Variants in EDIL3 observed in about 807,000 individuals in gnomAD.
The protein encoded by EDIL3 is EGF-like repeat and discoidin I-like domain-containing protein 3.
EDIL3 carries 37 observed loss-of-function variants against 67.4 expected under a neutral mutation model. The observed-to-expected ratio is 0.55, with a 90% CI of 0.42 to 0.72. The LOEUF is 0.72. EDIL3 is among the 30% of genes least tolerant of loss of function. The pLI is 0.00. For synonymous variants in EDIL3, 195 were observed against 196.3 expected, an observed-to-expected ratio of 0.99 and a Z score of 0.05; for missense variants, 527 against 586.3, an observed-to-expected ratio of 0.90 and a Z score of 1.04.
chr5:84,164,079 G>A (rs976962548), intron 4 of EDIL3, among the ~76,000 whole-genome samples: 1 of 152,048 alleles, frequency 6.6e-6, no homozygotes, highest in Admixed American at 6.6e-5. Flanking sequence ...CATATATGCA[G>A]ATACAACTGA....
At chr5:83,994,564 A>C (rs1745205562) in intron 9 of EDIL3, among the ~76,000 whole-genome samples, 1 of 152,190 alleles carries the variant, frequency 6.6e-6, no homozygotes, top group Non-Finnish European at 1.5e-5. Flanking sequence ...GAACAAGAGA[A>C]AGATCTGAAT....
intron 4 of EDIL3, among the ~76,000 whole-genome samples, chr5:84,141,963 CT>C (rs1451653784): frequency 4.4e-5 from 6 of 136,586 alleles, no homozygotes; most frequent in African/African-American, 1.7e-4. Flanking sequence ...ATCTATCTAT[CT>C]ATCTATCTAT....
At chr5:84,090,079 G>A (rs1014389138) in intron 6 of EDIL3, among the ~76,000 whole-genome samples, 1 of 152,090 alleles carries the variant, frequency 6.6e-6, no homozygotes, top group Admixed American at 6.5e-5. Context: ...TTACTATTTA[G>A]TCATAACTTA....
chr5:84,283,234 T>A (rs905162588), intron 1 of EDIL3, among the ~76,000 whole-genome samples: 2 of 152,172 alleles, frequency 1.3e-5, no homozygotes, highest in Admixed American at 6.5e-5. Context: ...ATTTAATAGA[T>A]GGCTGTTGAT....
chr5:84,333,038 A>G (rs1474984090), intron 1 of EDIL3, among the ~76,000 whole-genome samples: 1 of 152,196 alleles, frequency 6.6e-6, no homozygotes, highest in Non-Finnish European at 1.5e-5. Context: ...GGATAAGCTA[A>G]TAACACAGCT....
chr5:84,168,960 G>A (rs1748762062), intron 4 of EDIL3, among the ~76,000 whole-genome samples: 1 of 151,994 alleles, frequency 6.6e-6, no homozygotes, highest in Admixed American at 6.6e-5. Context: ...TATTGCTCAG[G>A]TCCTCTTTCT....
At chr5:84,218,157 G>T (rs979556300) in intron 3 of EDIL3, among the ~76,000 whole-genome samples, 3 of 151,922 alleles carry the variant, frequency 2.0e-5, no homozygotes, top group African/African-American at 4.8e-5. Flanking sequence ...TTTCCCCCAA[G>T]CTTAAAAATG....
At chr5:84,344,204 T>A (rs1287909108) in intron 1 of EDIL3, among the ~76,000 whole-genome samples, 1 of 152,084 alleles carries the variant, frequency 6.6e-6, no homozygotes, top group African/African-American at 2.4e-5. Context: ...AATTTTTAGT[T>A]GTGAAGAATT....
intron 2 of EDIL3, among the ~76,000 whole-genome samples, chr5:84,245,113 G>A (rs565667757): frequency 1.3e-3 from 192 of 152,184 alleles, no homozygotes; most frequent in African/African-American, 4.4e-3. Context: ...TTTAGAGAAT[G>A]TCCCTTTCTT....
intron 6 of EDIL3, among the ~76,000 whole-genome samples, chr5:84,095,759 A>G (rs1747250687): frequency 6.6e-6 from 1 of 152,212 alleles, no homozygotes; most frequent in African/African-American, 2.4e-5. Flanking sequence ...GAGAAATTCA[A>G]GCCAGCTGCA....
chr5:84,066,949 TCA>T (rs1020121512), intron 6 of EDIL3, among the ~76,000 whole-genome samples: 7 of 152,312 alleles, frequency 4.6e-5, no homozygotes, highest in South Asian at 2.1e-4. Context: ...CAAAATAATC[TCA>T]GTGTCATTAC....
At chr5:84,329,964 C>T (rs995307701) in intron 1 of EDIL3, among the ~76,000 whole-genome samples, 3 of 151,906 alleles carry the variant, frequency 2.0e-5, no homozygotes, top group Admixed American at 2.0e-4. Context: ...GGAGAAATTC[C>T]ACTTCAGAAA....
chr5:84,017,014 A>T (rs917037093), intron 9 of EDIL3, among the ~76,000 whole-genome samples: 2 of 152,178 alleles, frequency 1.3e-5, no homozygotes, highest in Non-Finnish European at 2.9e-5. Flanking sequence ...CCTTTTTGCC[A>T]TCATGAGTCT....
intron 6 of EDIL3, among the ~76,000 whole-genome samples, chr5:84,070,433 C>T (rs573552684): frequency 1.3e-5 from 2 of 152,200 alleles, no homozygotes; most frequent in East Asian, 3.9e-4. Context: ...TGTCTCCTCC[C>T]CCTAAGGGTT....
At chr5:83,992,680 T>G (rs1392836766) in intron 9 of EDIL3, among the ~76,000 whole-genome samples, 2 of 152,144 alleles carry the variant, frequency 1.3e-5, no homozygotes, top group Non-Finnish European at 2.9e-5. Flanking sequence ...ATGAGATATC[T>G]GCATATATTT....
chr5:84,014,696 A>G (rs1745570498), intron 9 of EDIL3, among the ~76,000 whole-genome samples: 1 of 152,202 alleles, frequency 6.6e-6, no homozygotes, highest in Non-Finnish European at 1.5e-5. Flanking sequence ...TTTGTAACTA[A>G]AAATTAAAGA....
At chr5:84,297,633 G>A (rs1044181044) in intron 1 of EDIL3, among the ~76,000 whole-genome samples, 2 of 152,160 alleles carry the variant, frequency 1.3e-5, no homozygotes, top group African/African-American at 4.8e-5. Context: ...GGAGGCTGAG[G>A]AGGCTGAGAA....
chr5:84,223,499 T>G (rs1335451723), intron 3 of EDIL3, among the ~76,000 whole-genome samples: 1 of 151,704 alleles, frequency 6.6e-6, no homozygotes, highest in Non-Finnish European at 1.5e-5. Context: ...GGAGGAATTA[T>G]GCAAAGTTTA....
Position 84,229,815 on chromosome 5 carries a change from A to G in EDIL3, c.226+40T>C, listed in dbSNP as rs761442329. On this transcript the variant is annotated intron_variant, in intron 3 of 10. Coordinates refer to ENST00000296591, the MANE Select transcript of EDIL3 (RefSeq NM_005711.5). ...TTGACTCTCTATTATTAAAGGCATG[A>G]CATTAAATAAGAATTATGTTTACAA... 1.4e-5 allele frequency: 22 copies of G among 1,575,622 alleles called. No homozygotes were observed. In the East Asian group the frequency reaches 3.6e-4, roughly 26 times the overall value.
Sources: gnomAD v4.1 joint callset for allele counts (sites outside exome capture counted in the v4.1 genomes callset) on GRCh38, gnomAD v4.1.1 for gene constraint, MANE v1.5 for transcripts, NCBI Gene and HGNC (gene_info 2026-07-23, HGNC 2026-07-21) for gene names.